CTIF: variants seen among roughly 807,000 people sequenced by gnomAD.
CTIF encodes CBP80/20-dependent translation initiation factor.
A neutral mutation model predicts 66.0 loss-of-function variants in CTIF; 21 were observed. The ratio of observed to expected loss-of-function variants is 0.32; its 90% confidence interval spans 0.23 to 0.46. The LOEUF (loss-of-function observed/expected upper bound fraction) is 0.46. Ranked by LOEUF, CTIF falls within the 20% of genes least tolerant of loss-of-function variation. The probability of loss-of-function intolerance (pLI) is 1.00; values close to 1 mark genes in which losing one functional copy is unlikely to be tolerated. For synonymous variants in CTIF, 345 were observed against 326.4 expected (o/e 1.06, Z -0.62); for missense variants, 739 against 812.7 (o/e 0.91, Z 1.10).
intron 1 of CTIF, among the ~76,000 whole-genome samples, chr18:48,614,491 C>G (rs117994291): frequency 0.018 from 2,733 of 152,080 alleles, 25 homozygotes; most frequent in South Asian, 0.047. Flanking sequence ...AAAATATGGT[C>G]TAGATATGCA....
intron 7 of CTIF, 106 bp downstream of exon 7, chr18:48,711,801 T>TCCTG: frequency 1.1e-6 from 1 of 936,388 alleles, no homozygotes; most frequent in South Asian, 1.4e-5. Flanking sequence ...CACCAGCTGA[T>TCCTG]CCTGATGAGA....
intron 10 of CTIF, among the ~76,000 whole-genome samples, chr18:48,836,004 C>A (rs1448161549): frequency 2.0e-5 from 3 of 152,154 alleles, no homozygotes; most frequent in African/African-American, 7.2e-5. Context: ...GGGACAGGCA[C>A]CGGGCTGTTT....
chr18:48,701,238 G>A (rs2092080309), intron 6 of CTIF, among the ~76,000 whole-genome samples: 1 of 151,988 alleles, frequency 6.6e-6, no homozygotes, highest in Non-Finnish European at 1.5e-5. Context: ...CACATTTCTT[G>A]GGCGTCTTTC....
intron 9 of CTIF, among the ~76,000 whole-genome samples, chr18:48,767,163 G>A (rs1340466339): frequency 1.3e-5 from 2 of 152,176 alleles, no homozygotes; most frequent in Non-Finnish European, 2.9e-5. Flanking sequence ...CCGACTTCCA[G>A]GAGAATGTGG....
At chr18:48,592,924 C>T (rs1021045354) in intron 1 of CTIF, among the ~76,000 whole-genome samples, 7 of 152,192 alleles carry the variant, frequency 4.6e-5, no homozygotes, top group East Asian at 1.9e-4. Context: ...CAGGCTGCCG[C>T]GGATCAGGGA....
chr18:48,853,751 C>T (rs1300612934), intron 10 of CTIF, among the ~76,000 whole-genome samples: 1 of 152,216 alleles, frequency 6.6e-6, no homozygotes, highest in African/African-American at 2.4e-5. Flanking sequence ...GTCCTCAGCT[C>T]CTGTGGTGAA....
intron 3 of CTIF, among the ~76,000 whole-genome samples, chr18:48,663,433 C>A (rs1334284837): frequency 1.3e-5 from 2 of 152,144 alleles, no homozygotes; most frequent in Non-Finnish European, 2.9e-5. Context: ...AGCCATCAGG[C>A]TGGCAGTGGT....
chr18:48,782,426 C>T (rs1478930141), intron 9 of CTIF, among the ~76,000 whole-genome samples: 1 of 152,190 alleles, frequency 6.6e-6, no homozygotes, highest in African/African-American at 2.4e-5. Flanking sequence ...CCCCCTGTCC[C>T]CCCACCCGCT....
intron 7 of CTIF, among the ~76,000 whole-genome samples, chr18:48,735,294 A>T (rs995211169): frequency 6.6e-6 from 1 of 152,194 alleles, no homozygotes; most frequent in African/African-American, 2.4e-5. Flanking sequence ...ACAAAGGCCC[A>T]GAGGTAGGAG....
At chr18:48,852,486 G>C (rs770458022) in intron 10 of CTIF, among the ~76,000 whole-genome samples, 1 of 152,154 alleles carries the variant, frequency 6.6e-6, no homozygotes, top group East Asian at 1.9e-4. Flanking sequence ...TCTAGAACCT[G>C]CTTACTAATC....
chr18:48,653,721 A>T (rs2091198001), intron 3 of CTIF, among the ~76,000 whole-genome samples: 1 of 152,246 alleles, frequency 6.6e-6, no homozygotes, highest in Non-Finnish European at 1.5e-5. Context: ...CCTGACTTCA[A>T]ACTATGCTGC....
intron 6 of CTIF, among the ~76,000 whole-genome samples, chr18:48,671,491 C>A (rs2145011497): frequency 6.6e-6 from 1 of 152,306 alleles, no homozygotes; most frequent in East Asian, 1.9e-4. Context: ...TATCTATATC[C>A]ATTCATCTCT....
intron 6 of CTIF, among the ~76,000 whole-genome samples, chr18:48,693,597 G>A (rs2091963865): frequency 6.6e-6 from 1 of 152,158 alleles, no homozygotes; most frequent in South Asian, 2.1e-4. Flanking sequence ...TGGGGAGAGA[G>A]TGTGAGAAGG....
At chr18:48,737,515 A>G (rs1336631856) in intron 7 of CTIF, among the ~76,000 whole-genome samples, 1 of 152,276 alleles carries the variant, frequency 6.6e-6, no homozygotes, top group African/African-American at 2.4e-5. Flanking sequence ...ACCTTGGAAC[A>G]GGCAATTTTT....
At chr18:48,805,922 C>T (rs182869667) in intron 9 of CTIF, among the ~76,000 whole-genome samples, 87 of 152,054 alleles carry the variant, frequency 5.7e-4, no homozygotes, top group African/African-American at 1.5e-3. Flanking sequence ...ACACCTACAA[C>T]GAGCCAAGTC....
chr18:48,796,283 C>T (rs904443133), intron 9 of CTIF, among the ~76,000 whole-genome samples: 4 of 152,186 alleles, frequency 2.6e-5, no homozygotes, highest in Non-Finnish European at 5.9e-5. Context: ...ATGCCATTCT[C>T]CTGCCTCAGC....
intron 10 of CTIF, among the ~76,000 whole-genome samples, chr18:48,836,428 A>G (rs1160980538): frequency 6.6e-6 from 1 of 151,718 alleles, no homozygotes; most frequent in Non-Finnish European, 1.5e-5. Flanking sequence ...CATCTAGGGG[A>G]CCCCTCCACC....
intron 1 of CTIF, among the ~76,000 whole-genome samples, chr18:48,599,583 A>G (rs1043444080): frequency 6.6e-6 from 1 of 152,144 alleles, no homozygotes; most frequent in African/African-American, 2.4e-5. Context: ...CCCTTCGTAA[A>G]CAATTCCTGA....
chr18:48,615,510 G>C (rs139458219), intron 1 of CTIF, among the ~76,000 whole-genome samples: 68 of 152,348 alleles, frequency 4.5e-4, no homozygotes, highest in Admixed American at 1.0e-3. Flanking sequence ...CCCTGGGAGA[G>C]AGTGAAAAGG....
Sources: gnomAD v4.1 joint callset for allele counts (sites outside exome capture counted in the v4.1 genomes callset) on GRCh38, gnomAD v4.1.1 for gene constraint, MANE v1.5 for transcripts, NCBI Gene and HGNC (gene_info 2026-07-23, HGNC 2026-07-21) for gene names.